SYNRG: variants seen among roughly 807,000 people sequenced by gnomAD.
The protein encoded by SYNRG is AP1 gamma subunit binding protein 1.
In SYNRG, 37 loss-of-function variants were observed where a neutral mutation model predicts 130.9. The ratio of observed to expected loss-of-function variants is 0.28; its 90% confidence interval spans 0.22 to 0.37. SYNRG has a LOEUF of 0.37. Ranked by LOEUF, SYNRG falls within the 10% of genes least tolerant of loss-of-function variation. SYNRG has a pLI of 1.00. For synonymous variants in SYNRG, 539 were observed against 568.1 expected (o/e 0.95, Z 0.73); for missense variants, 1,338 against 1,588.9 (o/e 0.84, Z 2.68).
intron 3 of SYNRG, among the ~76,000 whole-genome samples, chr17:37,593,604 G>T (rs2062405793): frequency 6.6e-6 from 1 of 152,154 alleles, no homozygotes; most frequent in South Asian, 2.1e-4. Flanking sequence ...GTGAGTGGCG[G>T]ACAGGTGTGG....
intron 18 of SYNRG, chr17:37,537,147 C>T (rs1244553324): frequency 6.6e-6 from 1 of 152,232 alleles, no homozygotes; most frequent in Non-Finnish European, 1.5e-5. Flanking sequence ...AAAAGAAGAC[C>T]CCAAGTGAGG....
intron 2 of SYNRG, among the ~76,000 whole-genome samples, chr17:37,597,478 T>C (rs2062878172): frequency 6.6e-6 from 1 of 152,260 alleles, no homozygotes; most frequent in Non-Finnish European, 1.5e-5. Flanking sequence ...ACACATACTA[T>C]TTTGGAACCT....
At chr17:37,607,955 CAAAAAA>C (rs67822733) in intron 1 of SYNRG, among the ~76,000 whole-genome samples, 31 of 51,124 alleles carry the variant, frequency 6.1e-4, no homozygotes, top group Non-Finnish European at 1.1e-3. Context: ...GACTTCCTCT[CAAAAAA>C]AAAAAAAAAA....
In SYNRG at chr17:37,518,685, G is replaced by A. The variant is rs1225381715; in HGVS notation, c.*255C>T. 3 of 409,362 alleles carry A rather than the reference G, an allele frequency of 7.3e-6. No homozygotes were observed. The highest frequency in any genetic ancestry group is 1.3e-5 in the Non-Finnish European group (3 of 230,450). The allele number at this position is 409,362 out of a possible 1,614,324, so 25.4% of individuals were successfully genotyped here. ...AGTTCTTCCTTAGATCAAGAAAGCC[G>A]TGGTCCGTATTTCAGAAAATCTTAA... On this transcript the variant is annotated 3_prime_UTR_variant, in exon 22 of 22. Transcript: ENST00000612223.
chr17:37,571,018 G>T lies in SYNRG; in HGVS notation c.1099-133C>A, dbSNP rs1455596482. ...TCCAACTCTCAAAACTCATGAATTT[G>T]ATTTAAGAAAAAAAGTTACAAGGTC... On this transcript the variant is annotated intron_variant, in intron 9 of 21. Coordinates refer to ENST00000612223, the MANE Select transcript of SYNRG (RefSeq NM_007247.6). The T allele has an allele frequency of 2.4e-6, 3 of 1,229,806 alleles. No homozygotes were observed. The East Asian group carries it at 7.3e-5, about 30-fold the overall frequency. The allele number at this position is 1,229,806 out of a possible 1,614,324, so 76.2% of individuals were successfully genotyped here.
chr17:37,542,763 G>C (rs2057888617), intron 14 of SYNRG, among the ~76,000 whole-genome samples, 198 bp from the exon 15 acceptor site: 1 of 152,112 alleles, frequency 6.6e-6, no homozygotes, highest in East Asian at 1.9e-4. Context: ...CCTTGAGTTG[G>C]CATTTACATT....
intron 2 of SYNRG, among the ~76,000 whole-genome samples, chr17:37,597,446 C>T (rs2062873842): frequency 6.6e-6 from 1 of 152,228 alleles, no homozygotes. Context: ...GGAGCATGAA[C>T]TCTGGGAGCC....
intron 9 of SYNRG, 146 bp downstream of exon 9, chr17:37,571,644 TA>T: frequency 1.4e-6 from 1 of 731,716 alleles, no homozygotes; most frequent in Non-Finnish European, 2.1e-6. Context: ...GCACATCTTA[TA>T]AACTCTACAT....
At chr17:37,523,453 C>A (rs1276730626) in intron 19 of SYNRG, among the ~76,000 whole-genome samples, 2 of 152,252 alleles carry the variant, frequency 1.3e-5, no homozygotes, top group Non-Finnish European at 2.9e-5. Context: ...AGCCACTGCA[C>A]CCAGTCTTCA....
In SYNRG at chr17:37,514,995, C is replaced by G. The variant is rs2143228618; in HGVS notation, c.*3945G>C. On this transcript the variant is annotated 3_prime_UTR_variant, in exon 22 of 22. Transcript: ENST00000612223. ...ATACAGGCGCGAATTCCACATCACG[C>G]AGAAGACAACGCATTTCGCTAAGGG... 6.6e-6 allele frequency: 1 copy of G among 152,298 alleles called. No individual in the cohort carries two copies. The highest frequency in any genetic ancestry group is 6.5e-5 in the Admixed American group (1 of 15,294). 9.4% of individuals were successfully genotyped at this position (152,298 alleles called of 1,614,324 possible).
In SYNRG at chr17:37,517,617, G is replaced by T. The variant is rs542384393; in HGVS notation, c.*1323C>A. On this transcript the variant is annotated 3_prime_UTR_variant, in exon 22 of 22. Coordinates refer to ENST00000612223, the MANE Select transcript of SYNRG (RefSeq NM_007247.6). ...AGCAAGACAGAATTTGTCCTGAGAG[G>T]GGAAAATAAATTATGTAAAAGCAGC... is the stretch of plus-strand genomic sequence containing the variant. 6.6e-6 allele frequency: 1 copy of T among 152,070 alleles called. No individual in the cohort carries two copies. Among genetic ancestry groups the T allele is most frequent in the East Asian group, 1.9e-4 (1 of 5,174 alleles). The allele number at this position is 152,070 out of a possible 1,614,324, so 9.4% of individuals were successfully genotyped here.
intron 19 of SYNRG, among the ~76,000 whole-genome samples, chr17:37,523,908 A>C (rs2055480991): frequency 6.6e-6 from 1 of 152,254 alleles, no homozygotes; most frequent in African/African-American, 2.4e-5. Context: ...ACAGTAAAAG[A>C]GACAACATCC....
intron 19 of SYNRG, among the ~76,000 whole-genome samples, chr17:37,535,136 T>C (rs75027264): frequency 0.014 from 2,121 of 152,156 alleles, 48 homozygotes; most frequent in African/African-American, 0.048. Flanking sequence ...ATATGAAATA[T>C]ATAAGGTCAA....
chr17:37,537,631 A>AAAAAG (rs935430541), intron 18 of SYNRG, among the ~76,000 whole-genome samples: 36 of 152,310 alleles, frequency 2.4e-4, no homozygotes, highest in Non-Finnish European at 4.1e-4. Context: ...ACCTGTCTTA[A>AAAAAG]AAAAGAAAAG....
intron 19 of SYNRG, chr17:37,529,930 G>C: frequency 7.9e-7 from 1 of 1,271,852 alleles, no homozygotes; most frequent in Non-Finnish European, 1.1e-6. Context: ...AGTAAGAACC[G>C]ATTGCCACCC....
At chr17:37,572,622 G>C (rs1248162802) in intron 8 of SYNRG, among the ~76,000 whole-genome samples, 1 of 152,100 alleles carries the variant, frequency 6.6e-6, no homozygotes, top group Non-Finnish European at 1.5e-5. Context: ...AATGATGGTG[G>C]GAACAGTTTG....
intron 1 of SYNRG, 72 bp downstream of exon 1, chr17:37,609,207 G>T: frequency 6.6e-6 from 9 of 1,353,580 alleles, no homozygotes; most frequent in East Asian, 3.1e-5. Context: ...GGAGAAAACT[G>T]CCATAACTGC....
chr17:37,588,258 CTTTT>C (rs35767898), intron 3 of SYNRG, among the ~76,000 whole-genome samples: 4 of 103,204 alleles, frequency 3.9e-5, no homozygotes, highest in Admixed American at 2.1e-4. Context: ...ACTTTAAATT[CTTTT>C]TTTTTTTTTT....
intron 13 of SYNRG, among the ~76,000 whole-genome samples, chr17:37,559,915 AATTTT>A (rs1416784704): frequency 2.6e-5 from 4 of 152,142 alleles, no homozygotes; most frequent in Admixed American, 6.6e-5. Context: ...ATTTGCCCTG[AATTTT>A]ATTTTATTTT....
Sources: allele counts gnomAD v4.1 joint callset (sites outside exome capture counted in the v4.1 genomes callset), GRCh38; gene constraint gnomAD v4.1.1; transcripts MANE v1.5; gene names NCBI Gene and HGNC (gene_info 2026-07-23, HGNC 2026-07-21).